Variants in TENM3 observed in about 807,000 individuals in gnomAD.
TENM3 encodes teneurin-3.
TENM3 carries 63 observed loss-of-function variants against 255.1 expected under a neutral mutation model. The observed-to-expected ratio is 0.25, with a 90% CI of 0.20 to 0.30. TENM3 has a LOEUF of 0.30. Ranked by LOEUF, TENM3 falls within the 10% of genes least tolerant of loss-of-function variation. The probability of loss-of-function intolerance (pLI) is 1.00; values close to 1 mark genes in which losing one functional copy is unlikely to be tolerated. For missense variants in TENM3, 2,929 were observed against 3,461.1 expected, an observed-to-expected ratio of 0.85 and a Z score of 3.86; for synonymous variants, 1,306 against 1,322.3, an observed-to-expected ratio of 0.99 and a Z score of 0.27.
chr4:182,719,461 A>AT (rs1759513760), intron 13 of TENM3, among the ~76,000 whole-genome samples: 1 of 151,478 alleles, frequency 6.6e-6, no homozygotes, highest in Admixed American at 6.6e-5. Flanking sequence ...GGGGTTCACC[A>AT]TGTTGGCCAG....
the TENM3 span, among the ~76,000 whole-genome samples, chr4:181,595,141 TAG>T: frequency 6.6e-6 from 1 of 152,050 alleles, no homozygotes; most frequent in East Asian, 1.9e-4. Flanking sequence ...CTACTAAAAG[TAG>T]AACTAGGCTG....
intron 3 of TENM3, among the ~76,000 whole-genome samples, chr4:182,373,291 A>T (rs1285214606): frequency 6.6e-6 from 1 of 152,158 alleles, no homozygotes; most frequent in Non-Finnish European, 1.5e-5. Flanking sequence ...ATCTTCCTAG[A>T]CAAGTTTGTC....
the TENM3 span, among the ~76,000 whole-genome samples, chr4:181,533,573 T>A: frequency 6.6e-6 from 1 of 152,130 alleles, no homozygotes; most frequent in Non-Finnish European, 1.5e-5. Context: ...GGGCATACGA[T>A]CTTCCACTGG....
At chr4:182,365,516 C>T (rs759944057) in intron 3 of TENM3, among the ~76,000 whole-genome samples, 7 of 152,288 alleles carry the variant, frequency 4.6e-5, no homozygotes, top group Admixed American at 1.3e-4. Flanking sequence ...AGCTGGATGC[C>T]GCCTGTACAC....
the TENM3 span, among the ~76,000 whole-genome samples, chr4:181,763,747 T>C: frequency 2.0e-5 from 3 of 152,208 alleles, no homozygotes; most frequent in East Asian, 5.8e-4. Flanking sequence ...CTGATAAGTA[T>C]CCCTTTTAGC....
At chr4:182,128,665 G>A in the TENM3 span, among the ~76,000 whole-genome samples, 2 of 152,100 alleles carry the variant, frequency 1.3e-5, no homozygotes, top group African/African-American at 4.8e-5. Flanking sequence ...ATAACACTAA[G>A]AACGAAGTTA....
chr4:181,729,313 G>A, the TENM3 span, among the ~76,000 whole-genome samples: 2 of 152,180 alleles, frequency 1.3e-5, no homozygotes, highest in African/African-American at 4.8e-5. Flanking sequence ...GAAGGGGAAT[G>A]ACATGACTGT....
chr4:181,979,707 G>A, the TENM3 span, among the ~76,000 whole-genome samples: 7 of 152,182 alleles, frequency 4.6e-5, no homozygotes, highest in East Asian at 3.9e-4. Flanking sequence ...TGCAAACACC[G>A]TCACAACCTC....
the TENM3 span, among the ~76,000 whole-genome samples, chr4:181,570,087 G>A: frequency 7.0e-6 from 1 of 143,404 alleles, no homozygotes; most frequent in African/African-American, 2.6e-5. Flanking sequence ...CGCCCAGGTC[G>A]GACTGCGGAC....
At chr4:182,416,546 C>G (rs2151108867) in intron 3 of TENM3, among the ~76,000 whole-genome samples, 1 of 151,998 alleles carries the variant, frequency 6.6e-6, no homozygotes, top group Non-Finnish European at 1.5e-5. Flanking sequence ...TCTTTTGATT[C>G]ACTACATTTT....
chr4:182,346,575 T>TAA (rs33933747), intron 2 of TENM3, 76 bp from the exon 3 acceptor site: 37 of 879,886 alleles, frequency 4.2e-5, no homozygotes, highest in Non-Finnish European at 4.9e-5. Context: ...AAGACATTCT[T>TAA]AAAAAAAAAA....
the TENM3 span, among the ~76,000 whole-genome samples, chr4:181,472,768 C>T: frequency 1.3e-5 from 2 of 152,218 alleles, no homozygotes; most frequent in Non-Finnish European, 2.9e-5. Flanking sequence ...CCCTGCTCTG[C>T]AGCCAGCCTG....
chr4:181,835,188 GGTC>G, the TENM3 span: 1 of 152,052 alleles, frequency 6.6e-6, no homozygotes, highest in African/African-American at 2.4e-5. Context: ...TTTCAAATTC[GGTC>G]TGTTAGAGAA....
chr4:181,892,885 A>G, the TENM3 span, among the ~76,000 whole-genome samples: 1 of 152,174 alleles, frequency 6.6e-6, no homozygotes, highest in Admixed American at 6.5e-5. Context: ...TTTCCTCTCA[A>G]ACAAGATTTA....
intron 11 of TENM3, among the ~76,000 whole-genome samples, chr4:182,685,921 A>C (rs550630659): frequency 1.3e-5 from 2 of 152,230 alleles, no homozygotes; most frequent in East Asian, 3.9e-4. Flanking sequence ...TGATACTGCT[A>C]TGAATTGGAA....
At chr4:181,586,343 T>A in the TENM3 span, among the ~76,000 whole-genome samples, 1 of 152,172 alleles carries the variant, frequency 6.6e-6, no homozygotes, top group Non-Finnish European at 1.5e-5. Context: ...CAGGTTCTGA[T>A]CCTGGTAGCT....
intron 1 of TENM3, among the ~76,000 whole-genome samples, chr4:182,184,993 G>T (rs553080429): frequency 3.6e-4 from 55 of 152,100 alleles, no homozygotes; most frequent in African/African-American, 9.6e-4. Flanking sequence ...TGAGGCAGGA[G>T]AATTGCTTGA....
At chr4:182,625,662 A>C (rs1750752361) in intron 4 of TENM3, among the ~76,000 whole-genome samples, 1 of 152,186 alleles carries the variant, frequency 6.6e-6, no homozygotes, top group South Asian at 2.1e-4. Flanking sequence ...TTCATACACC[A>C]GTGTTTGCCA....
At chr4:181,924,295 A>C in the TENM3 span, among the ~76,000 whole-genome samples, 1 of 152,188 alleles carries the variant, frequency 6.6e-6, no homozygotes, top group African/African-American at 2.4e-5. Flanking sequence ...AAACATGATG[A>C]TGCTCATGCT....
Sources: gnomAD v4.1 joint callset for allele counts (sites outside exome capture counted in the v4.1 genomes callset) on GRCh38, gnomAD v4.1.1 for gene constraint, MANE v1.5 for transcripts, NCBI Gene and HGNC (gene_info 2026-07-23, HGNC 2026-07-21) for gene names.